Variants in BEND5 observed in about 807,000 individuals in gnomAD.
BEND5 encodes the protein BEN domain containing 5.
Under a neutral mutation model 43.9 loss-of-function variants are expected in BEND5, and 22 were observed. The ratio of observed to expected loss-of-function variants is 0.50; its 90% confidence interval spans 0.36 to 0.72. The LOEUF is 0.72. BEND5 is among the 30% of genes least tolerant of loss of function. The pLI is 0.00. For synonymous variants in BEND5, 228 were observed against 225.9 expected (o/e 1.01, Z -0.08); for missense variants, 428 against 550.6 (o/e 0.78, Z 2.23).
At chr1:48,761,550 A>C in intron 1 of BEND5, 80 bp from the exon 2 acceptor site, 1 of 1,387,178 alleles carries the variant, frequency 7.2e-7, no homozygotes, top group Non-Finnish European at 9.7e-7. Flanking sequence ...AAAACCTCAA[A>C]TGCTAGAAAA....
At chr1:48,752,285 G>C (rs539038423) in intron 3 of BEND5, among the ~76,000 whole-genome samples, 4 of 152,100 alleles carry the variant, frequency 2.6e-5, no homozygotes, top group African/African-American at 9.7e-5. Context: ...AGATAAACAG[G>C]CCCCAAGAAG....
At position 48,736,574 on chromosome 1, in the gene BEND5, T is replaced by A; in HGVS notation, c.895-122A>T. ...GAGATTCATGTCATAAATATGAAAT[T>A]AACTCTCTTTAAGGGTAATCGTAAT... On this transcript the variant is annotated intron_variant, in intron 4 of 5. Transcript: ENST00000371833. This position sits in a 1 kb window ranked among gnomAD's most constrained non-coding sequence, Gnocchi z 4.0. 1.2e-6 allele frequency: 1 copy of A among 808,130 alleles called. No homozygotes were observed. The highest frequency in any genetic ancestry group is 2.0e-6 in the Non-Finnish European group (1 of 503,986). The allele number at this position is 808,130 out of a possible 1,614,324, so 50.1% of individuals were successfully genotyped here. A position where few individuals can be genotyped will look rare whatever the true frequency, so the allele number is the denominator to read the frequency against.
intron 1 of BEND5, 75 bp downstream of exon 1, chr1:48,776,531 G>T (rs973453968): frequency 6.5e-6 from 4 of 618,196 alleles, no homozygotes; most frequent in African/African-American, 4.0e-5. Context: ...GGTCCCCTCC[G>T]CCCGGGCCCC....
At chr1:48,733,193 T>C (rs1648434812) in intron 5 of BEND5, among the ~76,000 whole-genome samples, 1 of 152,132 alleles carries the variant, frequency 6.6e-6, no homozygotes. Flanking sequence ...GTTTCTTTGC[T>C]TTTGTAAGAA....
At chr1:48,752,781 C>T (rs535567561) in intron 3 of BEND5, among the ~76,000 whole-genome samples, 31 of 152,070 alleles carry the variant, frequency 2.0e-4, no homozygotes, top group African/African-American at 6.3e-4. Flanking sequence ...GACAGAGTCT[C>T]GCTCTGTCGC....
rs1402563768 is a variant in BEND5, at chr1:48,776,665, C to G, written c.167G>C (p.Arg56Pro). ...ELGAGPESPPRAPRDWGALLL... is the reference protein window; with the variant it reads ...ELGAGPESPPPAPRDWGALLL... The stretch of plus-strand genomic sequence containing the variant: ...CAGCGCGCCCCAGTCGCGGGGGGCG[C>G]GCGGGGGGCTCTCGGGCCCGGCGCC... The change falls in exon 1 of 6, where the codon CGC becomes CCC. Residue 56 changes from arginine to proline, a missense_variant. This residue lies in a region of BEND5 where 107 missense variants were observed against 98.8 expected (regional missense o/e 1.08). Coordinates refer to ENST00000371833, the MANE Select transcript of BEND5 (RefSeq NM_024603.4). 1 of 1,497,946 alleles carries G rather than the reference C, an allele frequency of 6.7e-7. No homozygotes were observed. Among genetic ancestry groups the G allele is most frequent in the Non-Finnish European group, 8.9e-7 (1 of 1,126,522 alleles). 92.8% of individuals were successfully genotyped at this position (1,497,946 alleles called of 1,614,324 possible).
At chr1:48,759,345 A>G (rs1336397021) in intron 2 of BEND5, 61 bp from the exon 3 acceptor site, 1 of 1,517,364 alleles carries the variant, frequency 6.6e-7, no homozygotes. Context: ...TGGACTGCAG[A>G]TCAATATTTC....
intron 1 of BEND5, among the ~76,000 whole-genome samples, chr1:48,765,727 T>A (rs1644496544): frequency 6.6e-6 from 1 of 152,202 alleles, no homozygotes; most frequent in Non-Finnish European, 1.5e-5. Flanking sequence ...CAGAGTATTA[T>A]TCAACCATAA....
intron 3 of BEND5, among the ~76,000 whole-genome samples, chr1:48,757,313 G>C (rs189642567): frequency 6.6e-6 from 1 of 152,250 alleles, no homozygotes; most frequent in East Asian, 1.9e-4. Flanking sequence ...ACCACTACAA[G>C]AACAATACAG....
rs1648211688 is a variant in BEND5 at position 48,731,974 on chromosome 1, G to A, written c.1109-3931C>T. ...AGAGTAATGGAGGGGAGAAATGAGT[G>A]TGGGCTATGAGAAGGGCAGTACTGT... On this transcript the variant is annotated intron_variant, in intron 5 of 5. Transcript: ENST00000371833. Among the ~76,000 whole-genome samples the A allele has an allele frequency of 3.9e-5, 6 of 152,248 alleles. No individual in the cohort carries two copies. In the South Asian group the frequency reaches 1.2e-3, roughly 32 times the overall value.
chr1:48,757,912 T>C (rs1268165637), intron 3 of BEND5, among the ~76,000 whole-genome samples: 1 of 152,196 alleles, frequency 6.6e-6, no homozygotes, highest in Non-Finnish European at 1.5e-5. Context: ...AAAGAACTTG[T>C]GTTATACCGA....
At chr1:48,737,394 T>C (rs1421088493) in intron 4 of BEND5, among the ~76,000 whole-genome samples, 2 of 152,244 alleles carry the variant, frequency 1.3e-5, no homozygotes, top group Non-Finnish European at 2.9e-5. Flanking sequence ...TTCCAGTGTA[T>C]GGCTAAGTGT....
intron 1 of BEND5, among the ~76,000 whole-genome samples, chr1:48,770,535 C>A (rs1008131957): frequency 1.3e-5 from 2 of 152,156 alleles, no homozygotes; most frequent in Non-Finnish European, 2.9e-5. Context: ...TCTGCACTCT[C>A]TCCCACTGTA....
chr1:48,742,020 T>C (rs1649990648), intron 4 of BEND5, among the ~76,000 whole-genome samples: 1 of 152,250 alleles, frequency 6.6e-6, no homozygotes, highest in Admixed American at 6.5e-5. Context: ...TTTTTGTTTA[T>C]GATTTGTTTT....
At chr1:48,751,710 A>G (rs1309069842) in intron 3 of BEND5, among the ~76,000 whole-genome samples, 1 of 152,202 alleles carries the variant, frequency 6.6e-6, no homozygotes. Flanking sequence ...ATGGAGAAAC[A>G]CACTGCTATT....
At chr1:48,755,425 A>G (rs931902881) in intron 3 of BEND5, among the ~76,000 whole-genome samples, 3 of 152,244 alleles carry the variant, frequency 2.0e-5, no homozygotes, top group Admixed American at 1.3e-4. Flanking sequence ...CAAGCTAGAC[A>G]AAGGCCTTTG....
chr1:48,771,456 G>A (rs1644827791), intron 1 of BEND5, among the ~76,000 whole-genome samples: 1 of 152,182 alleles, frequency 6.6e-6, no homozygotes, highest in Admixed American at 6.5e-5. Context: ...GCACTCTGTA[G>A]CACATACTAT....
At chr1:48,750,843 G>A (rs1051788550) in intron 3 of BEND5, among the ~76,000 whole-genome samples, 11 of 152,148 alleles carry the variant, frequency 7.2e-5, no homozygotes, top group African/African-American at 4.8e-5. Context: ...GAGGCTAGAC[G>A]AGGTGAACTC....
chr1:48,764,176 G>C (rs773022217), intron 1 of BEND5, among the ~76,000 whole-genome samples: 3 of 152,194 alleles, frequency 2.0e-5, no homozygotes, highest in Non-Finnish European at 4.4e-5. Context: ...AGGAGCATGG[G>C]AGATCACTTC....
Sources: gnomAD v4.1 joint callset for allele counts (sites outside exome capture counted in the v4.1 genomes callset) on GRCh38, gnomAD v4.1.1 for gene constraint, gnomAD v4.1.1 regional missense constraint, Gnocchi (gnomAD v3.1) non-coding constraint, MANE v1.5 for transcripts, NCBI Gene and HGNC (gene_info 2026-07-23, HGNC 2026-07-21) for gene names.